NFATC2: variants seen among roughly 807,000 people sequenced by gnomAD.
NFATC2 encodes nuclear factor of activated T-cells, cytoplasmic 2.
In NFATC2, 22 loss-of-function variants were observed where a neutral mutation model predicts 87.3. That is an observed-to-expected ratio of 0.25 (90% confidence interval 0.18 to 0.36). The LOEUF (loss-of-function observed/expected upper bound fraction) is 0.36. Ranked by LOEUF, NFATC2 falls within the 10% of genes least tolerant of loss-of-function variation. NFATC2 has a pLI of 1.00. For missense variants in NFATC2, 1,149 were observed against 1,259.1 expected, an observed-to-expected ratio of 0.91 and a Z score of 1.32; for synonymous variants, 565 against 542.2, an observed-to-expected ratio of 1.04 and a Z score of -0.58.
chr20:51,561,467 G>GAA (rs1162967063), intron 1 of NFATC2, among the ~76,000 whole-genome samples: 2 of 136,084 alleles, frequency 1.5e-5, no homozygotes, highest in Non-Finnish European at 3.2e-5. Flanking sequence ...AAGAAAGAAA[G>GAA]AAAGAAAGAA....
chr20:51,500,644 T>TC (rs2076064114), intron 3 of NFATC2, among the ~76,000 whole-genome samples: 1 of 21,152 alleles, frequency 4.7e-5, no homozygotes, highest in Non-Finnish European at 8.6e-5. Flanking sequence ...ACCCTCACCC[T>TC]CACCACCCCC....
In NFATC2 at chr20:51,473,960, G is replaced by T. The variant is rs895789746; in HGVS notation, c.1708+20C>A. The T allele has an allele frequency of 6.2e-7, 1 of 1,607,210 alleles. No individual in the cohort carries two copies. Among genetic ancestry groups the T allele is most frequent in the Non-Finnish European group, 8.5e-7 (1 of 1,174,914 alleles). Reference sequence around the variant, plus strand: ...CCCTACGCTTTCTGAAGAAAGACCGGGCCCCAGGGCCCAACTTACAGCACT... The same window carrying T: ...CCCTACGCTTTCTGAAGAAAGACCGTGCCCCAGGGCCCAACTTACAGCACT... On this transcript the variant is annotated intron_variant, in intron 5 of 10. Transcript: ENST00000371564.
intron 3 of NFATC2, among the ~76,000 whole-genome samples, chr20:51,485,451 A>G (rs1418085366): frequency 6.6e-6 from 1 of 152,174 alleles, no homozygotes; most frequent in African/African-American, 2.4e-5. Flanking sequence ...ACCATCATAT[A>G]GGAGCTGGGT....
chr20:51,562,538 G>A lies in NFATC2; in HGVS notation c.70+22C>T, dbSNP rs1414797085. On this transcript the variant is annotated intron_variant, in intron 1 of 10. Coordinates refer to the NFATC2 transcript ENST00000414705. The surrounding 1 kb of genome is among the most constrained non-coding windows in gnomAD (Gnocchi z 5.8). ...CGGGAGGAGCGAGCGGAAAAGGCTG[G>A]AAGGGATCGAGAGTCAGTTACCTTG... 3.2e-6 allele frequency: 5 copies of A among 1,546,750 alleles called. No individual in the cohort carries two copies. The highest frequency in any genetic ancestry group is 4.4e-6 in the Non-Finnish European group (5 of 1,142,902).
At chr20:51,493,822 G>A (rs561617741) in intron 3 of NFATC2, among the ~76,000 whole-genome samples, 3 of 152,090 alleles carry the variant, frequency 2.0e-5, no homozygotes, top group Non-Finnish European at 4.4e-5. Context: ...GGCATCAAAC[G>A]CTTAGCAAAG....
chr20:51,483,461 G>A (rs767014754), intron 3 of NFATC2, among the ~76,000 whole-genome samples: 118 of 152,098 alleles, frequency 7.8e-4, no homozygotes, highest in African/African-American at 1.2e-3. Context: ...GGAGGGTACC[G>A]GGGAAGAGGA....
chr20:51,553,148 G>C (rs1005980237), intron 1 of NFATC2, among the ~76,000 whole-genome samples: 8 of 152,050 alleles, frequency 5.3e-5, no homozygotes, highest in Non-Finnish European at 1.2e-4. Flanking sequence ...TCGGCTGGAG[G>C]TGAGTAGAGG....
chr20:51,395,063 T>C (rs1190005986), intron 10 of NFATC2, among the ~76,000 whole-genome samples: 3 of 152,224 alleles, frequency 2.0e-5, no homozygotes, highest in South Asian at 4.1e-4. Context: ...TTTCATGCGA[T>C]TGACAAATGG....
chr20:51,423,847 G>T (rs1260478588), intron 9 of NFATC2, among the ~76,000 whole-genome samples: 1 of 152,138 alleles, frequency 6.6e-6, no homozygotes, highest in Non-Finnish European at 1.5e-5. Context: ...GTGGTTTGGT[G>T]GCTTCTGACC....
chr20:51,472,087 T>C (rs1184103542), intron 5 of NFATC2, among the ~76,000 whole-genome samples: 2 of 152,126 alleles, frequency 1.3e-5, no homozygotes, highest in African/African-American at 4.8e-5. Context: ...ACCCTGTCTC[T>C]ACTAAAAAAT....
At chr20:51,542,075 C>T (rs193065119) in intron 1 of NFATC2, among the ~76,000 whole-genome samples, 49 of 152,320 alleles carry the variant, frequency 3.2e-4, no homozygotes, top group Admixed American at 5.2e-4. Context: ...AGACAGCACC[C>T]GCCCCCCAGC....
Position 51,524,837 on chromosome 20 carries a change from C to T in NFATC2, c.131-727G>A, listed in dbSNP as rs192000780. The stretch of plus-strand genomic sequence containing the variant: ...GGCCCACCGAAAGATACGGAATTAG[C>T]AGGCTTAAAAATACCACAGGCAAGC... On this transcript the variant is annotated intron_variant, in intron 1 of 10. Transcript: ENST00000371564. This position sits in a 1 kb window ranked among gnomAD's most constrained non-coding sequence, Gnocchi z 4.0. Among the ~76,000 whole-genome samples, 44 of 152,282 alleles carry T rather than the reference C, an allele frequency of 2.9e-4. No individual in the cohort carries two copies. Among genetic ancestry groups the T allele is most frequent in the African/African-American group, 1.0e-3 (42 of 41,548 alleles).
intron 9 of NFATC2, among the ~76,000 whole-genome samples, chr20:51,429,469 G>A (rs1982358114): frequency 1.3e-5 from 2 of 152,348 alleles, no homozygotes; most frequent in Middle Eastern, 3.4e-3. Context: ...ATGGCACAGG[G>A]GACAGGGCAG....
intron 3 of NFATC2, among the ~76,000 whole-genome samples, chr20:51,494,146 G>A (rs1320423048): frequency 6.6e-6 from 1 of 151,826 alleles, no homozygotes; most frequent in Non-Finnish European, 1.5e-5. Flanking sequence ...ACTTTGCTTG[G>A]TTATGAGTCC....
intron 3 of NFATC2, among the ~76,000 whole-genome samples, chr20:51,484,080 A>G (rs1310196438): frequency 1.3e-5 from 2 of 151,126 alleles, no homozygotes; most frequent in Non-Finnish European, 3.0e-5. Context: ...CTGCTTCTCC[A>G]TCTCCCACCC....
chr20:51,498,549 G>A (rs1424051591), intron 3 of NFATC2, among the ~76,000 whole-genome samples: 1 of 152,220 alleles, frequency 6.6e-6, no homozygotes, highest in Non-Finnish European at 1.5e-5. Flanking sequence ...TGTAATCCCA[G>A]CACTTTGGGA....
intron 5 of NFATC2, among the ~76,000 whole-genome samples, chr20:51,471,488 C>T (rs1362370267): frequency 6.6e-6 from 1 of 152,148 alleles, no homozygotes; most frequent in Non-Finnish European, 1.5e-5. Context: ...CATGTTTTCC[C>T]TTGGTATCTA....
At chr20:51,562,799 T>C (rs2077044104), upstream of NFATC2, 3 of 571,694 alleles carry the variant, frequency 5.2e-6, no homozygotes, top group African/African-American at 2.0e-5. This position sits in a 1 kb window ranked among gnomAD's most constrained non-coding sequence, Gnocchi z 5.8. Context: ...CTCGGCGGAG[T>C]CGGCGCGGCT....
chr20:51,408,240 G>A lies in NFATC2; in HGVS notation c.2723-9510C>T, dbSNP rs931268422. Among the ~76,000 whole-genome samples the A allele has an allele frequency of 7.2e-5, 11 of 152,290 alleles. No individual in the cohort carries two copies. In the East Asian group the frequency reaches 9.7e-4, roughly 13 times the overall value. ...CATAAAAATTCAATACTGGCCAGGT[G>A]TGGTGGCTCACGCCTGTAATCCCAG... On this transcript the variant is annotated intron_variant, in intron 9 of 10. Transcript: ENST00000371564.
Sources: allele counts gnomAD v4.1 joint callset (sites outside exome capture counted in the v4.1 genomes callset), GRCh38; gene constraint gnomAD v4.1.1; non-coding constraint Gnocchi (gnomAD v3.1); transcripts MANE v1.5; gene names NCBI Gene and HGNC (gene_info 2026-07-23, HGNC 2026-07-21).